The following CFTR variants were observed in gnomAD, a reference collection of about 807,000 sequenced individuals.
The protein encoded by CFTR is cystic fibrosis transmembrane conductance regulator.
Under a neutral mutation model 171.6 loss-of-function variants are expected in CFTR, and 181 were observed. The observed-to-expected ratio is 1.05, with a 90% CI of 0.93 to 1.19. CFTR has a LOEUF of 1.19. CFTR is among the 50% of genes most tolerant of loss of function. CFTR has a pLI of 0.00. For synonymous variants in CFTR, 583 were observed against 608.0 expected (o/e 0.96, Z 0.60); for missense variants, 1,968 against 1,734.7 (o/e 1.13, Z -2.39).
intron 12 of CFTR, among the ~76,000 whole-genome samples, chr7:117,589,583 C>T (rs1791996364): frequency 6.6e-6 from 1 of 151,832 alleles, no homozygotes; most frequent in Non-Finnish European, 1.5e-5. Flanking sequence ...AAGGTCAACT[C>T]AATGTAGATT....
chr7:117,494,191 A>G (rs577503319), intron 1 of CFTR, among the ~76,000 whole-genome samples: 5 of 152,184 alleles, frequency 3.3e-5, no homozygotes, highest in East Asian at 1.9e-4. Flanking sequence ...TCTAGTCTCT[A>G]TTTCACCAGT....
At chr7:117,570,348 A>G (rs1166954687) in intron 11 of CFTR, among the ~76,000 whole-genome samples, 3 of 152,188 alleles carry the variant, frequency 2.0e-5, no homozygotes, top group Non-Finnish European at 4.4e-5. Flanking sequence ...TGGGAAGCGT[A>G]GTGCTTAGTG....
chr7:117,509,736 G>A (rs182482816), intron 3 of CFTR, among the ~76,000 whole-genome samples: 6 of 152,272 alleles, frequency 3.9e-5, no homozygotes. Flanking sequence ...TGGTGTTTAA[G>A]TGCCTTGTAT....
At chr7:117,643,200 T>C (rs1792947386) in intron 23 of CFTR, among the ~76,000 whole-genome samples, 1 of 152,120 alleles carries the variant, frequency 6.6e-6, no homozygotes, top group Non-Finnish European at 1.5e-5. Context: ...ACAGTTCCAG[T>C]TTAAAGTGAT....
chr7:117,641,981 T>C (rs535082137), intron 22 of CFTR, among the ~76,000 whole-genome samples: 1 of 152,284 alleles, frequency 6.6e-6, no homozygotes, highest in Admixed American at 6.5e-5. Flanking sequence ...ACCAAATTAA[T>C]TTATTAGGGT....
chr7:117,487,704 C>G (rs529233478), intron 1 of CFTR: 208 of 152,224 alleles, frequency 1.4e-3, no homozygotes, highest in African/African-American at 4.9e-3. Flanking sequence ...GTGCAACTAC[C>G]TCCTACCTGA....
At position 117,591,922 on chromosome 7, in the gene CFTR, T is replaced by C. The variant is rs1275824729; in HGVS notation, c.1767-12T>C. On this transcript the variant is annotated splice_polypyrimidine_tract_variant and intron_variant, in intron 13 of 26. Coordinates refer to ENST00000003084, the MANE Select transcript of CFTR (RefSeq NM_000492.4). ...TATAAAATTGATATTTATATGTTTTTATATCTTAAAGCTGTGTCTGTAAAC... is the reference window on the plus strand; with the variant it reads ...TATAAAATTGATATTTATATGTTTTCATATCTTAAAGCTGTGTCTGTAAAC... The C allele has an allele frequency of 6.6e-7, 1 of 1,520,744 alleles. No homozygotes were observed. Among genetic ancestry groups the C allele is most frequent in the East Asian group, 2.3e-5 (1 of 44,134 alleles). 94.2% of individuals were successfully genotyped at this position (1,520,744 alleles called of 1,614,324 possible).
At chr7:117,558,795 C>G (rs1013836898) in intron 10 of CFTR, among the ~76,000 whole-genome samples, 1 of 151,984 alleles carries the variant, frequency 6.6e-6, no homozygotes, top group Non-Finnish European at 1.5e-5. Context: ...ACACTTATAC[C>G]CCATTTCCTT....
intron 9 of CFTR, among the ~76,000 whole-genome samples, chr7:117,545,693 TTAAG>T (rs1273612375): frequency 1.3e-5 from 2 of 152,276 alleles, no homozygotes; most frequent in South Asian, 4.1e-4. Context: ...CTTAGACAGT[TTAAG>T]TAACTCAAGC....
At chr7:117,604,954 T>C (rs1345456472) in intron 17 of CFTR, 2 of 152,248 alleles carry the variant, frequency 1.3e-5, no homozygotes, top group African/African-American at 2.4e-5. Flanking sequence ...GCAGTGATCA[T>C]GGGCAAGTGA....
chr7:117,547,200 C>T (rs1415493610), intron 9 of CFTR, among the ~76,000 whole-genome samples: 1 of 151,998 alleles, frequency 6.6e-6, no homozygotes, highest in African/African-American at 2.4e-5. Context: ...TTTATGTATG[C>T]CTTAAAAGAA....
rs1800104 is a variant in CFTR, at chr7:117,594,998, T to C, written c.2559T>C (p.Ile853=). The part of the protein sequence containing the change: ...VTTWNTYLRY[I]TVHKSLIFVL... Reference sequence around the variant, plus strand: ...CATGGAACACATACCTTCGATATATTACTGTCCACAAGAGCTTAATTTTTG... The same window carrying C: ...CATGGAACACATACCTTCGATATATCACTGTCCACAAGAGCTTAATTTTTG... The change falls in exon 15 of 27, where the codon ATT becomes ATC. Residue 853 remains isoleucine, a synonymous_variant. Transcript: ENST00000003084. The C allele has an allele frequency of 2.3e-4, 366 of 1,613,018 alleles. No individual in the cohort carries two copies. The Middle Eastern group carries it at 2.7e-3, about 12-fold the overall frequency.
intron 7 of CFTR, among the ~76,000 whole-genome samples, chr7:117,537,454 G>T: frequency 6.6e-6 from 1 of 152,140 alleles, no homozygotes; most frequent in East Asian, 1.9e-4. Context: ...AAGGTTCTAG[G>T]AGACTCAGTG....
intron 1 of CFTR, among the ~76,000 whole-genome samples, chr7:117,500,411 C>T (rs529840643): frequency 3.3e-5 from 5 of 151,622 alleles, no homozygotes; most frequent in East Asian, 3.9e-4. Context: ...CTCAGCCTCC[C>T]GCGTAGCTGG....
intron 3 of CFTR, among the ~76,000 whole-genome samples, chr7:117,514,344 T>G (rs1157577746): frequency 6.6e-6 from 1 of 152,134 alleles, no homozygotes; most frequent in African/African-American, 2.4e-5. Context: ...GTGTATGTTG[T>G]TCCCCTCTCT....
intron 11 of CFTR, among the ~76,000 whole-genome samples, chr7:117,587,225 G>A (rs1358121861): frequency 1.3e-5 from 2 of 152,158 alleles, no homozygotes; most frequent in African/African-American, 2.4e-5. Context: ...GGTGACAGAA[G>A]CATGGAAAGG....
intron 10 of CFTR, among the ~76,000 whole-genome samples, chr7:117,557,269 T>A (rs1799376651): frequency 6.6e-6 from 1 of 152,150 alleles, no homozygotes; most frequent in African/African-American, 2.4e-5. Flanking sequence ...TCAAATTATT[T>A]CTACTGCTTG....
In CFTR at chr7:117,591,598, C is replaced by A. The variant is rs533147277; in HGVS notation, c.1767-336C>A. ...ACAAATCTCTAGGGACCTTAAAGAT[C>A]ATCTAATAATTTCCTCATTTTCTAG... On this transcript the variant is annotated intron_variant, in intron 13 of 26. Coordinates refer to ENST00000003084, the MANE Select transcript of CFTR (RefSeq NM_000492.4). Among the ~76,000 whole-genome samples the A allele has an allele frequency of 5.3e-5, 8 of 152,128 alleles. No individual in the cohort carries two copies. In the East Asian group the frequency reaches 1.5e-3, roughly 29 times the overall value.
chr7:117,565,266 A>G (rs1035175369), intron 11 of CFTR, among the ~76,000 whole-genome samples: 1 of 152,206 alleles, frequency 6.6e-6, no homozygotes, highest in African/African-American at 2.4e-5. Flanking sequence ...TAGTTAATTT[A>G]CTTATCCCTT....
Sources: allele counts gnomAD v4.1 joint callset (sites outside exome capture counted in the v4.1 genomes callset), GRCh38; gene constraint gnomAD v4.1.1; transcripts MANE v1.5; gene names NCBI Gene and HGNC (gene_info 2026-07-23, HGNC 2026-07-21).